Variants in KLF3 observed in about 807,000 individuals in gnomAD.
KLF3 encodes the protein Krueppel-like factor 3.
Under a neutral mutation model 32.7 loss-of-function variants are expected in KLF3, and 6 were observed. That is an observed-to-expected ratio of 0.18 (90% CI 0.10 to 0.36). The LOEUF is 0.36. Among genes scored for constraint, KLF3 ranks in the 10% least tolerant of loss-of-function variants. The pLI, the probability that KLF3 is intolerant of heterozygous loss-of-function variation, is 1.00. For synonymous variants in KLF3, 145 were observed against 172.8 expected (o/e 0.84, Z 1.26); for missense variants, 338 against 449.7 (o/e 0.75, Z 2.25).
intron 1 of KLF3, chr4:38,664,979 C>T (rs1175462122): frequency 2.7e-5 from 4 of 148,374 alleles, no homozygotes; most frequent in Admixed American, 6.6e-5. Context: ...TCCTTCCCCT[C>T]CCCTCCCTCC....
At chr4:38,685,915 A>G (rs567469960) in intron 2 of KLF3, among the ~76,000 whole-genome samples, 36 of 152,210 alleles carry the variant, frequency 2.4e-4, no homozygotes, top group Non-Finnish European at 5.1e-4. Flanking sequence ...TGTGTTGTTA[A>G]TGAACCTTGT....
At chr4:38,695,225 G>A (rs1292937335) in intron 5 of KLF3, among the ~76,000 whole-genome samples, 1 of 152,236 alleles carries the variant, frequency 6.6e-6, no homozygotes, top group Non-Finnish European at 1.5e-5. Context: ...AGTCAAGGAT[G>A]TGGCCTTCCT....
chr4:38,684,541 G>GTTTTTTTTT (rs139709836), intron 2 of KLF3, among the ~76,000 whole-genome samples: 1 of 109,162 alleles, frequency 9.2e-6, no homozygotes, highest in East Asian at 2.8e-4. Context: ...GGTTTTTTGT[G>GTTTTTTTTT]TTTTTTTTTT....
rs1035353801 is a variant in KLF3, at chr4:38,699,560, G to A, written c.*2297G>A. 6.6e-6 allele frequency: 1 copy of A among 152,224 alleles called. No homozygotes were observed. The allele number at this position is 152,224 out of a possible 1,614,324, so 9.4% of individuals were successfully genotyped here. On this transcript the variant is annotated 3_prime_UTR_variant, in exon 6 of 6. Coordinates refer to ENST00000261438, the MANE Select transcript of KLF3 (RefSeq NM_016531.6). Reference sequence around the variant, plus strand: ...GATCTGGGATCAGCTTTGAGCCTGAGTTCAGTGAATAGCCTCATGGGCATC... The same window carrying A: ...GATCTGGGATCAGCTTTGAGCCTGAATTCAGTGAATAGCCTCATGGGCATC...
intron 1 of KLF3, among the ~76,000 whole-genome samples, chr4:38,666,488 G>A (rs1722047051): frequency 6.6e-6 from 1 of 151,198 alleles, no homozygotes; most frequent in African/African-American, 2.4e-5. Context: ...ACAAAGTAAA[G>A]AGAAATAATG....
chr4:38,677,041 A>G (rs187636773), intron 1 of KLF3, among the ~76,000 whole-genome samples: 2 of 148,432 alleles, frequency 1.3e-5, no homozygotes, highest in African/African-American at 5.0e-5. Context: ...GCTCACTGCA[A>G]CCTCCGCCTG....
chr4:38,673,707 C>G (rs963294125), intron 1 of KLF3, among the ~76,000 whole-genome samples: 1 of 152,102 alleles, frequency 6.6e-6, no homozygotes, highest in Admixed American at 6.5e-5. Flanking sequence ...TGCTAGGCCT[C>G]AGTTTGGAAA....
chr4:38,666,056 C>G (rs191792604), intron 1 of KLF3, among the ~76,000 whole-genome samples: 3 of 152,250 alleles, frequency 2.0e-5, no homozygotes, highest in East Asian at 3.9e-4. Context: ...ATTAAACTCC[C>G]TAGAGAAACT....
At chr4:38,678,165 G>A (rs1018500413) in intron 1 of KLF3, among the ~76,000 whole-genome samples, 40 of 152,176 alleles carry the variant, frequency 2.6e-4, no homozygotes, top group African/African-American at 7.2e-4. Flanking sequence ...CTGGGGGTGA[G>A]GAGGTGGGAG....
At chr4:38,676,942 G>A (rs937307375) in intron 1 of KLF3, among the ~76,000 whole-genome samples, 5 of 140,310 alleles carry the variant, frequency 3.6e-5, no homozygotes, top group South Asian at 2.2e-4. Flanking sequence ...ATCAGGTTCT[G>A]TTAGTGCCAG....
In KLF3 at chr4:38,688,591, C is replaced by T. The variant is rs373009633; in HGVS notation, c.64C>T (p.Pro22Ser). ...TCCTTTTCTTTTCTAATAGTCATAC[C>T]CATCTAATTACATGGAATCCATGAA... ...EAMDPVSVSY[P>S]SNYMESMKPN... Residue 22 changes from proline to serine, a missense_variant, in exon 3 of 6, where the codon CCA (proline) becomes TCA (serine). Pro to Ser is a moderately conservative substitution (Grantham distance 74). Around this residue, in one of 2 missense-constraint regions of KLF3, gnomAD observed 272 missense variants for 313.4 expected, o/e 0.87. Transcript: ENST00000261438. This position sits in a 1 kb window ranked among gnomAD's most constrained non-coding sequence, Gnocchi z 4.9. 1.3e-6 allele frequency: 2 copies of T among 1,596,400 alleles called. No individual in the cohort carries two copies. Among genetic ancestry groups the T allele is most frequent in the African/African-American group, 2.7e-5 (2 of 74,384 alleles).
At chr4:38,686,678 A>G (rs1722709512) in intron 2 of KLF3, among the ~76,000 whole-genome samples, 1 of 152,146 alleles carries the variant, frequency 6.6e-6, no homozygotes. Flanking sequence ...AGCCCGTGAC[A>G]GTGAGCATCT....
intron 2 of KLF3, among the ~76,000 whole-genome samples, chr4:38,683,745 ATTC>A (rs1324474742): frequency 1.1e-4 from 16 of 152,238 alleles, no homozygotes; most frequent in Non-Finnish European, 2.2e-4. Flanking sequence ...CTTTAAAAGT[ATTC>A]TTCTATTCCT....
chr4:38,694,659 T>G, intron 4 of KLF3, 87 bp from the exon 5 acceptor site: 1 of 1,148,502 alleles, frequency 8.7e-7, no homozygotes. Context: ...TGTTTGTTTT[T>G]GCCCAGTGTT....
At position 38,694,424 on chromosome 4, in the gene KLF3, C is replaced by T. The variant is rs191112661; in HGVS notation, c.696-322C>T. 1.8e-3 allele frequency among the ~76,000 whole-genome samples: 278 copies of T among 152,286 alleles called. 1 individual carries two copies. Among genetic ancestry groups the T allele is most frequent in the African/African-American group, 5.7e-3 (235 of 41,564 alleles). Reference sequence around the variant, plus strand: ...CTTGGTGCCTGCCTCTAGCATAGCACTTAACCCTTCTTACTGTCATTACTT... The same window carrying T: ...CTTGGTGCCTGCCTCTAGCATAGCATTTAACCCTTCTTACTGTCATTACTT... On this transcript the variant is annotated intron_variant, in intron 4 of 5. Transcript: ENST00000261438.
At chr4:38,696,086 G>A (rs1165323543) in intron 5 of KLF3, among the ~76,000 whole-genome samples, 2 of 150,934 alleles carry the variant, frequency 1.3e-5, no homozygotes, top group Admixed American at 6.6e-5. Flanking sequence ...ATTACTGAGG[G>A]CATCCTTGAG....
intron 4 of KLF3, among the ~76,000 whole-genome samples, chr4:38,692,491 C>A (rs1319779341): frequency 2.0e-5 from 3 of 152,208 alleles, no homozygotes; most frequent in Non-Finnish European, 4.4e-5. Context: ...TGAAAATATT[C>A]ATGGCTACCA....
intron 1 of KLF3, among the ~76,000 whole-genome samples, chr4:38,666,700 A>G (rs1722054456): frequency 6.6e-6 from 1 of 152,248 alleles, no homozygotes; most frequent in Non-Finnish European, 1.5e-5. Flanking sequence ...GCAGCTCTGC[A>G]AAGATGTGTA....
rs771762932 is a variant in KLF3 at position 38,694,833 on chromosome 4, A to G, written c.783A>G (p.Arg261=). ...PDTQRKRRIH[R]CDYDGCNKVY... ...CTCAAAGGAAGCGGAGGATACACAG[A>G]TGTGATTATGATGGATGCAACAAAG... The change falls in exon 5 of 6, where the codon AGA becomes AGG. Residue 261 remains arginine, a synonymous_variant. Transcript: ENST00000261438. The G allele has an allele frequency of 3.7e-6, 6 of 1,609,424 alleles. No individual in the cohort carries two copies. In the Admixed American group the frequency reaches 8.5e-5, roughly 23 times the overall value.
Sources: gnomAD v4.1 joint callset for allele counts (sites outside exome capture counted in the v4.1 genomes callset) on GRCh38, gnomAD v4.1.1 for gene constraint, gnomAD v4.1.1 regional missense constraint, Gnocchi (gnomAD v3.1) non-coding constraint, MANE v1.5 for transcripts, NCBI Gene and HGNC (gene_info 2026-07-23, HGNC 2026-07-21) for gene names.